Variants in KMT2E observed in about 807,000 individuals in gnomAD.
The protein encoded by KMT2E is lysine methyltransferase 2E (inactive).
KMT2E carries 30 observed loss-of-function variants against 184.6 expected under a neutral mutation model. That is an observed-to-expected ratio of 0.16 (90% CI 0.12 to 0.22). KMT2E has a LOEUF of 0.22. Among genes scored for constraint, KMT2E ranks in the 10% least tolerant of loss-of-function variants. The pLI is 1.00. For synonymous variants in KMT2E, 815 were observed against 776.5 expected (o/e 1.05, Z -0.82); for missense variants, 2,023 against 2,237.4 (o/e 0.90, Z 1.93).
chr7:105,028,465 C>G (rs960110122), intron 1 of KMT2E, among the ~76,000 whole-genome samples: 2 of 151,730 alleles, frequency 1.3e-5, no homozygotes, highest in East Asian at 3.9e-4. Flanking sequence ...TCAGCCCAGT[C>G]GAGACTGAGA....
In KMT2E at chr7:105,073,625, G is replaced by A; in HGVS notation, c.504G>A (p.Leu168=). 1.3e-6 allele frequency: 2 copies of A among 1,594,822 alleles called. No individual in the cohort carries two copies. The highest frequency in any genetic ancestry group is 8.6e-7 in the Non-Finnish European group (1 of 1,163,644). ...YLCERCQPRN[L]DKERAVLLQR... The stretch of plus-strand genomic sequence containing the variant: ...TGCTAATTTTTTAATGTAGGAATTT[G>A]GATAAAGAGAGGGCAGTGCTACTAC... The change falls in exon 7 of 27, where the codon TTG becomes TTA. Residue 168 remains leucine (L), a synonymous_variant. Coordinates refer to ENST00000311117, the MANE Select transcript of KMT2E (RefSeq NM_182931.3).
Position 105,113,453 on chromosome 7 carries a change from T to TC in KMT2E, c.*121dup, listed in dbSNP as rs1799425422. ...ACCTTTGTATAAAAAACACCAGTGCTCTTTCGTTGTATTTTTCTCATTTTT... is the reference window on the plus strand; with the variant it reads ...ACCTTTGTATAAAAAACACCAGTGCTCCTTTCGTTGTATTTTTCTCATTTTT... On this transcript the variant is annotated 3_prime_UTR_variant, in exon 27 of 27. Coordinates refer to ENST00000311117, the MANE Select transcript of KMT2E (RefSeq NM_182931.3). 9.2e-7 allele frequency: 1 copy of TC among 1,089,894 alleles called. No homozygotes were observed. Among genetic ancestry groups the TC allele is most frequent in the Non-Finnish European group, 1.3e-6 (1 of 795,516 alleles). The allele number at this position is 1,089,894 out of a possible 1,614,324, so 67.5% of individuals were successfully genotyped here. A position where few individuals can be genotyped will look rare whatever the true frequency, so the allele number is the denominator to read the frequency against.
chr7:105,085,998 A>G (rs186713288), intron 13 of KMT2E, among the ~76,000 whole-genome samples: 2 of 152,262 alleles, frequency 1.3e-5, no homozygotes, highest in Admixed American at 1.3e-4. Context: ...TTAACATTTT[A>G]CTATGTCTGT....
At position 105,110,879 on chromosome 7, in the gene KMT2E, T is replaced by C. The variant is rs1799213384; in HGVS notation, c.4068+11T>C. ...CCAAAAATGAGCAAGGTAATAACATTGACCTTTCGATGGGTTCCAAAGGAC... is the reference window on the plus strand; with the variant it reads ...CCAAAAATGAGCAAGGTAATAACATCGACCTTTCGATGGGTTCCAAAGGAC... On this transcript the variant is annotated intron_variant, in intron 26 of 26. Transcript: ENST00000311117. 1 of 1,589,124 alleles carries C rather than the reference T, an allele frequency of 6.3e-7. No homozygotes were observed. The highest frequency in any genetic ancestry group is 8.6e-7 in the Non-Finnish European group (1 of 1,157,326).
intron 26 of KMT2E, 66 bp from the exon 27 acceptor site, chr7:105,111,759 A>G: frequency 1.3e-6 from 2 of 1,512,878 alleles, no homozygotes; most frequent in Non-Finnish European, 1.8e-6. Context: ...TTAAATACCA[A>G]CAAGAATAAA....
At chr7:105,027,074 CTTTTTTT>C (rs34930855) in intron 1 of KMT2E, among the ~76,000 whole-genome samples, 4 of 81,940 alleles carry the variant, frequency 4.9e-5, no homozygotes, top group East Asian at 6.2e-4. Context: ...GCCCCGCCCT[CTTTTTTT>C]TTTTTTTTTT....
chr7:105,091,964 T>G (rs1240301442), intron 15 of KMT2E, among the ~76,000 whole-genome samples: 1 of 152,244 alleles, frequency 6.6e-6, no homozygotes, highest in Non-Finnish European at 1.5e-5. Flanking sequence ...ATACTTTCCA[T>G]GCCCTAAAAT....
intron 12 of KMT2E, 39 bp downstream of exon 12, chr7:105,079,002 G>A: frequency 9.1e-7 from 1 of 1,096,752 alleles, no homozygotes; most frequent in Admixed American, 1.7e-5. Flanking sequence ...TGTGGGTGCT[G>A]GGGGTGTGTT....
At chr7:105,018,728 A>G (rs1002221503) in intron 1 of KMT2E, among the ~76,000 whole-genome samples, 2 of 152,178 alleles carry the variant, frequency 1.3e-5, no homozygotes, top group Non-Finnish European at 2.9e-5. Flanking sequence ...TTAAAATTGA[A>G]GTGGCTCGTA....
intron 6 of KMT2E, among the ~76,000 whole-genome samples, chr7:105,070,568 A>G (rs1240767354): frequency 7.0e-6 from 1 of 142,036 alleles, no homozygotes; most frequent in Non-Finnish European, 1.5e-5. Context: ...TGGGAGGCAG[A>G]GGTTGCAGTG....
chr7:105,050,378 T>G (rs1322810266), intron 3 of KMT2E, among the ~76,000 whole-genome samples: 1 of 152,232 alleles, frequency 6.6e-6, no homozygotes, highest in Non-Finnish European at 1.5e-5. Context: ...CCAGGTGCTT[T>G]AAATGTCTAA....
intron 6 of KMT2E, among the ~76,000 whole-genome samples, chr7:105,070,910 C>T (rs1210059392): frequency 6.6e-6 from 1 of 152,076 alleles, no homozygotes; most frequent in Non-Finnish European, 1.5e-5. Context: ...AAATATAAAG[C>T]AAGTTAGACT....
At chr7:105,039,134 A>G (rs1584712166) in intron 2 of KMT2E, 1 of 152,218 alleles carries the variant, frequency 6.6e-6, no homozygotes, top group Non-Finnish European at 1.5e-5. Flanking sequence ...TCTCTAATGC[A>G]TTCACCAATT....
At chr7:105,040,110 G>C (rs896020611) in intron 2 of KMT2E, among the ~76,000 whole-genome samples, 2 of 152,052 alleles carry the variant, frequency 1.3e-5, no homozygotes, top group Non-Finnish European at 2.9e-5. Flanking sequence ...AGTATACCTA[G>C]ATTTACCTGT....
At chr7:105,043,932 T>TA (rs1274461151) in intron 3 of KMT2E, among the ~76,000 whole-genome samples, 1 of 151,976 alleles carries the variant, frequency 6.6e-6, no homozygotes, top group Non-Finnish European at 1.5e-5. Flanking sequence ...CTCTACAAAA[T>TA]AAAAATTTTT....
At position 105,089,192 on chromosome 7, in the gene KMT2E, T is replaced by C. The variant is rs993364250; in HGVS notation, c.1359-817T>C. ...TCATGCAAAAATCTGAAATCCAAAA[T>C]CCTAAACTTTTTTTGTTTTTTTTCT... On this transcript the variant is annotated intron_variant, in intron 13 of 26. Coordinates refer to ENST00000311117, the MANE Select transcript of KMT2E (RefSeq NM_182931.3). 1.1e-4 allele frequency: 42 copies of C among 391,686 alleles called. 1 individual carries two copies. Among genetic ancestry groups the C allele is most frequent in the African/African-American group, 8.7e-4 (40 of 45,934 alleles). The allele number at this position is 391,686 out of a possible 1,614,324, so 24.3% of individuals were successfully genotyped here. A position where few individuals can be genotyped will look rare whatever the true frequency, so the allele number is the denominator to read the frequency against.
intron 23 of KMT2E, among the ~76,000 whole-genome samples, chr7:105,109,576 T>C (rs1799093505): frequency 2.0e-5 from 3 of 152,166 alleles, no homozygotes. Flanking sequence ...CAGCTGCATA[T>C]AGGATGGATC....
Position 105,107,337 on chromosome 7 carries a change from A to AT in KMT2E, c.2905-14dup, listed in dbSNP as rs759777829. 12,118 of 1,216,296 alleles carry AT rather than the reference A, an allele frequency of 1.0e-2. 1 individual carries two copies. The highest frequency in any genetic ancestry group is 0.015 in the South Asian group (917 of 61,902). 75.3% of individuals were successfully genotyped at this position (1,216,296 alleles called of 1,614,324 possible). On this transcript the variant is annotated intron_variant, in intron 21 of 26. Transcript: ENST00000311117. ...GTCCCAAGATGTGATTATTTGTGTA[A>AT]TTTTTTTTTTTAATTTGTAAACAGG... is the stretch of plus-strand genomic sequence containing the variant.
chr7:105,102,407 G>A (rs1236244094), intron 17 of KMT2E: 3 of 401,028 alleles, frequency 7.5e-6, no homozygotes, highest in Admixed American at 4.5e-5. Flanking sequence ...CAGTTTATCA[G>A]GACTTTTATG....
Sources: allele counts gnomAD v4.1 joint callset (sites outside exome capture counted in the v4.1 genomes callset), GRCh38; gene constraint gnomAD v4.1.1; transcripts MANE v1.5; gene names NCBI Gene and HGNC (gene_info 2026-07-23, HGNC 2026-07-21).